The following GTPBP1 variants were observed in gnomAD, a reference collection of about 807,000 sequenced individuals.
GTPBP1 encodes GTP binding protein 1.
In GTPBP1, 23 loss-of-function variants were observed where a neutral mutation model predicts 62.0. That is an observed-to-expected ratio of 0.37 (90% CI 0.27 to 0.53). The LOEUF (loss-of-function observed/expected upper bound fraction) is 0.53, where lower values mean the gene tolerates loss of function less well. Ranked by LOEUF, GTPBP1 falls within the 20% of genes least tolerant of loss-of-function variation. GTPBP1 has a pLI of 0.89. For missense variants in GTPBP1, 640 were observed against 917.3 expected (o/e 0.70, Z 3.90); for synonymous variants, 344 against 364.4 (o/e 0.94, Z 0.64).
rs751095093 is a variant in GTPBP1, at chr22:38,727,924, C to T, written c.1538-59C>T. The stretch of plus-strand genomic sequence containing the variant: ...TTTCATGCTTTCACTCACTGCCTCC[C>T]GTTGTCCTGAAGCCACCAGGTGGCT... On this transcript the variant is annotated intron_variant, in intron 9 of 11. Coordinates refer to ENST00000216044, the MANE Select transcript of GTPBP1 (RefSeq NM_004286.5). The surrounding 1 kb of genome is among the most constrained non-coding windows in gnomAD (Gnocchi z 6.5). 22 of 1,222,478 alleles carry T rather than the reference C, an allele frequency of 1.8e-5. No homozygotes were observed. Among genetic ancestry groups the T allele is most frequent in the East Asian group, 2.3e-5 (1 of 42,874 alleles). The allele number at this position is 1,222,478 out of a possible 1,614,324, so 75.7% of individuals were successfully genotyped here.
At chr22:38,736,465 C>T (rs1334583400), downstream of GTPBP1, 5 of 1,158,230 alleles carry the variant, frequency 4.3e-6, no homozygotes, top group East Asian at 2.7e-5. Flanking sequence ...GACAGCCTCG[C>T]CTAGGGCCAG....
downstream of GTPBP1, chr22:38,740,022 C>G: frequency 1.1e-5 from 17 of 1,502,284 alleles, no homozygotes; most frequent in South Asian, 2.0e-4. This position sits in a 1 kb window ranked among gnomAD's most constrained non-coding sequence, Gnocchi z 4.8. Flanking sequence ...TAGTGCTTAG[C>G]TGGATAGCAG....
chr22:38,715,914 T>C lies in GTPBP1; in HGVS notation c.312T>C (p.Thr104=), dbSNP rs1279122645. 2 of 1,608,424 alleles carry C rather than the reference T, an allele frequency of 1.2e-6. No homozygotes were observed. The highest frequency in any genetic ancestry group is 1.7e-5 in the Admixed American group (1 of 58,698). ...IYVIGQGSDG[T]EYGLSEADME... is the part of the protein sequence containing the mutation. ...CTGGGCTCTTGTCACCAGATGGGAC[T>C]GAGTATGGGCTGAGTGAAGCTGACA... The change falls in exon 3 of 12, where the codon ACT becomes ACC. Residue 104 remains threonine (T), a synonymous_variant. Coordinates refer to ENST00000216044, the MANE Select transcript of GTPBP1 (RefSeq NM_004286.5).
intron 11 of GTPBP1, 87 bp downstream of exon 11, chr22:38,729,749 C>G (rs896288284): frequency 9.6e-7 from 1 of 1,046,892 alleles, no homozygotes; most frequent in Non-Finnish European, 1.3e-6. Flanking sequence ...GTAGGCAAGC[C>G]TCAAACCTGG....
downstream of GTPBP1, chr22:38,738,675 C>T (rs566312173): frequency 4.3e-5 from 70 of 1,613,744 alleles, no homozygotes; most frequent in East Asian, 2.7e-4. The surrounding 1 kb of genome is among the most constrained non-coding windows in gnomAD (Gnocchi z 6.6). Flanking sequence ...GGCTGTGGGG[C>T]GGATGCGGGC....
At position 38,730,759 on chromosome 22, in the gene GTPBP1, T is replaced by C; in HGVS notation, c.*55T>C. On this transcript the variant is annotated 3_prime_UTR_variant, in exon 12 of 12. Coordinates refer to ENST00000216044, the MANE Select transcript of GTPBP1 (RefSeq NM_004286.5). This position sits in a 1 kb window ranked among gnomAD's most constrained non-coding sequence, Gnocchi z 5.6. ...AGGGGTCATCATCTCTGGCCACCAC[T>C]CCACCAGATGGGCAGAGCAGCTATG... is the stretch of plus-strand genomic sequence containing the variant. 1.0e-6 allele frequency: 1 copy of C among 959,778 alleles called. No individual in the cohort carries two copies. Among genetic ancestry groups the C allele is most frequent in the Non-Finnish European group, 1.6e-6 (1 of 644,202 alleles). 59.5% of individuals were successfully genotyped at this position (959,778 alleles called of 1,614,324 possible).
chr22:38,706,545 C>G (rs541610151), intron 1 of GTPBP1: 1 of 165,442 alleles, frequency 6.0e-6, no homozygotes, highest in Non-Finnish European at 1.3e-5. Context: ...AGTCTCCTCT[C>G]CCTGGACCGC....
chr22:38,740,799 G>A (rs996298409), downstream of GTPBP1: 12 of 609,908 alleles, frequency 2.0e-5, no homozygotes, highest in Middle Eastern at 4.4e-4. The surrounding 1 kb of genome is among the most constrained non-coding windows in gnomAD (Gnocchi z 4.8). Context: ...CCTGCCCCCC[G>A]CCCTCAGGAC....
At chr22:38,723,364 A>G (rs113302656) in intron 5 of GTPBP1, 3 of 850,820 alleles carry the variant, frequency 3.5e-6, no homozygotes, top group Non-Finnish European at 6.0e-6. Flanking sequence ...CTTGACTGGA[A>G]CCAGACCATA....
chr22:38,722,662 A>C lies in GTPBP1; in HGVS notation c.958+797A>C. The C allele has an allele frequency of 3.9e-6, 6 of 1,536,192 alleles. No homozygotes were observed. The South Asian group carries it at 5.8e-5, about 15-fold the overall frequency. ...ATTGGTTCCTTGCCTTCTACAGATA[A>C]TCATCTATAAAATGATAAAAGCAGG... On this transcript the variant is annotated intron_variant, in intron 5 of 11. Coordinates refer to ENST00000216044, the MANE Select transcript of GTPBP1 (RefSeq NM_004286.5).
chr22:38,714,472 C>G (rs1472964651), intron 2 of GTPBP1, among the ~76,000 whole-genome samples: 1 of 127,704 alleles, frequency 7.8e-6, no homozygotes, highest in Non-Finnish European at 1.6e-5. Flanking sequence ...GAGTGAGACT[C>G]CATCTCAAAA....
In GTPBP1 at chr22:38,716,643, T is replaced by C; in HGVS notation, c.486-9T>C. 2 of 1,600,136 alleles carry C rather than the reference T, an allele frequency of 1.2e-6. No homozygotes were observed. Among genetic ancestry groups the C allele is most frequent in the South Asian group, 1.1e-5 (1 of 90,030 alleles). ...TCTCACATAGATGTATGGGTTCATC[T>C]ACACGCAGGGTAGCAGTGGTGGGCA... On this transcript the variant is annotated splice_polypyrimidine_tract_variant and intron_variant, in intron 3 of 11. Transcript: ENST00000216044. The surrounding 1 kb of genome is among the most constrained non-coding windows in gnomAD (Gnocchi z 5.2).
chr22:38,715,594 G>T (rs1233232113), intron 2 of GTPBP1, among the ~76,000 whole-genome samples: 1 of 152,104 alleles, frequency 6.6e-6, no homozygotes, highest in East Asian at 1.9e-4. Context: ...TCCCCCACTG[G>T]GCTGTGAGCT....
downstream of GTPBP1, chr22:38,735,286 C>G: frequency 4.4e-6 from 2 of 454,048 alleles, no homozygotes; most frequent in South Asian, 1.6e-5. Flanking sequence ...GCAGCCTGAG[C>G]GGACGACCCC....
chr22:38,741,174 T>G, downstream of GTPBP1: 1 of 1,103,740 alleles, frequency 9.1e-7, no homozygotes, highest in Non-Finnish European at 1.3e-6. Flanking sequence ...TCTTGACCCC[T>G]GCAGCAAAAA....
intron 4 of GTPBP1, among the ~76,000 whole-genome samples, chr22:38,718,712 A>G (rs1002591786): frequency 1.8e-4 from 28 of 152,206 alleles, no homozygotes; most frequent in African/African-American, 6.8e-4. Flanking sequence ...TAAACACATC[A>G]TGGCAGCTTT....
chr22:38,729,758 G>A (rs2092747090), intron 11 of GTPBP1, 96 bp downstream of exon 11: 1 of 891,138 alleles, frequency 1.1e-6, no homozygotes. Flanking sequence ...CCTCAAACCT[G>A]GCTAGAGGGT....
At chr22:38,741,507 A>G, downstream of GTPBP1, 1 of 1,613,948 alleles carries the variant, frequency 6.2e-7, no homozygotes, top group Non-Finnish European at 8.5e-7. Context: ...GGAGGCCCGG[A>G]CGATCTTCTT....
At chr22:38,735,675 G>C (rs1416393164), downstream of GTPBP1, 1 of 167,382 alleles carries the variant, frequency 6.0e-6, no homozygotes, top group Non-Finnish European at 1.3e-5. Flanking sequence ...CCCTCCCCGG[G>C]ACAAATACAC....
Sources: gnomAD v4.1 joint callset for allele counts (sites outside exome capture counted in the v4.1 genomes callset) on GRCh38, gnomAD v4.1.1 for gene constraint, Gnocchi (gnomAD v3.1) non-coding constraint, MANE v1.5 for transcripts, NCBI Gene and HGNC (gene_info 2026-07-23, HGNC 2026-07-21) for gene names.